SCAI: variants seen among roughly 807,000 people sequenced by gnomAD.
SCAI encodes the protein suppressor of cancer cell invasion, also known as protein SCAI.
In SCAI, 24 loss-of-function variants were observed where a neutral mutation model predicts 92.2. That is an observed-to-expected ratio of 0.26 (90% CI 0.19 to 0.37). SCAI has a LOEUF of 0.37. SCAI is among the 10% of genes least tolerant of loss of function. The probability of loss-of-function intolerance (pLI) is 1.00; values close to 1 mark genes in which losing one functional copy is unlikely to be tolerated. For synonymous variants in SCAI, 261 were observed against 258.6 expected (o/e 1.01, Z -0.09); for missense variants, 450 against 736.2 (o/e 0.61, Z 4.50).
At chr9:124,964,493 C>A (rs377364281) in intron 17 of SCAI, among the ~76,000 whole-genome samples, 1 of 152,272 alleles carries the variant, frequency 6.6e-6, no homozygotes, top group Admixed American at 6.5e-5. Context: ...ATAATGATGG[C>A]ATTTCCAATG....
chr9:124,954,910 A>G (rs1831290262), intron 17 of SCAI, among the ~76,000 whole-genome samples: 1 of 151,766 alleles, frequency 6.6e-6, no homozygotes, highest in Admixed American at 6.6e-5. Context: ...TCACCCTTGT[A>G]ATCCCAGCAC....
At chr9:125,126,370 G>A (rs1254319581) in intron 2 of SCAI, among the ~76,000 whole-genome samples, 1 of 151,664 alleles carries the variant, frequency 6.6e-6, no homozygotes, top group Non-Finnish European at 1.5e-5. Flanking sequence ...CATGGAGTTA[G>A]CCTCCCCCAA....
rs147806679 is a variant in SCAI at position 124,987,965 on chromosome 9, AAAACAAAC to A, written c.1326+6961_1326+6968del. ...GTAACAGAGCGAGACTTCTTCTCAA[AAAACAAAC>A]AAACAAACAAACAAACACTCTTTTA... On this transcript the variant is annotated intron_variant, in intron 14 of 17. Coordinates refer to ENST00000336505, the MANE Select transcript of SCAI (RefSeq NM_001144877.3). Among the ~76,000 whole-genome samples the A allele has an allele frequency of 2.0e-3, 311 of 151,948 alleles. 1 individual carries two copies. Among genetic ancestry groups the A allele is most frequent in the African/African-American group, 5.4e-3 (222 of 41,394 alleles).
In SCAI at chr9:125,044,923, G is replaced by A. The variant is rs7871950; in HGVS notation, c.230+10953C>T. 9.2e-3 allele frequency among the ~76,000 whole-genome samples: 1,408 copies of A among 152,298 alleles called. 18 individuals carry two copies. The highest frequency in any genetic ancestry group is 0.032 in the African/African-American group (1,311 of 41,554). On this transcript the variant is annotated intron_variant, in intron 3 of 17. Coordinates refer to ENST00000336505, the MANE Select transcript of SCAI (RefSeq NM_001144877.3). ...TAATCCAGCTGCAACCTTGCATGGC[G>A]CCAGTGCCTGGAGATGCCTGCCCCA...
At chr9:125,107,744 G>C (rs775280552) in intron 2 of SCAI, among the ~76,000 whole-genome samples, 3 of 152,144 alleles carry the variant, frequency 2.0e-5, no homozygotes, top group African/African-American at 7.2e-5. Context: ...CTCCAGCCTC[G>C]GCAACAGAGC....
chr9:124,973,372 T>G (rs571551690), intron 15 of SCAI, among the ~76,000 whole-genome samples: 1 of 152,230 alleles, frequency 6.6e-6, no homozygotes, highest in Non-Finnish European at 1.5e-5. Flanking sequence ...AATCTCAAAC[T>G]CTACCCTTTA....
Position 125,008,143 on chromosome 9 carries a change from C to T in SCAI, c.862-4573G>A, listed in dbSNP as rs552628650. Among the ~76,000 whole-genome samples the T allele has an allele frequency of 2.0e-5, 3 of 149,864 alleles. No individual in the cohort carries two copies. The East Asian group carries it at 6.1e-4, about 30-fold the overall frequency. ...TACAGGCGTGAGCCACCGTGCCCGG[C>T]CCTTTATTTTTTTCTTTTTGAGACA... On this transcript the variant is annotated intron_variant, in intron 9 of 17. Transcript: ENST00000336505.
chr9:125,128,581 G>T (rs558782925), intron 2 of SCAI, among the ~76,000 whole-genome samples: 1 of 151,084 alleles, frequency 6.6e-6, no homozygotes, highest in East Asian at 2.0e-4. Flanking sequence ...GTGAAATGCC[G>T]TCTCTACTAA....
chr9:124,968,849 C>T, intron 17 of SCAI: 1 of 616,762 alleles, frequency 1.6e-6, no homozygotes, highest in Admixed American at 2.8e-5. Flanking sequence ...GCCGCAGGGC[C>T]CAGGTGAGCA....
chr9:125,016,690 A>G (rs1832767004), intron 9 of SCAI, among the ~76,000 whole-genome samples: 1 of 152,154 alleles, frequency 6.6e-6, no homozygotes, highest in East Asian at 1.9e-4. Context: ...TGGTCTTTTT[A>G]GTAAATGGTG....
At chr9:125,118,375 A>G (rs1168651765) in intron 2 of SCAI, among the ~76,000 whole-genome samples, 2 of 152,066 alleles carry the variant, frequency 1.3e-5, no homozygotes, top group Non-Finnish European at 2.9e-5. Context: ...AAAATTAACC[A>G]GGCATGGTGG....
At chr9:125,033,051 A>G (rs1333030397) in intron 3 of SCAI, among the ~76,000 whole-genome samples, 1 of 152,068 alleles carries the variant, frequency 6.6e-6, no homozygotes, top group Admixed American at 6.6e-5. Flanking sequence ...AAAAACTGCA[A>G]ATAAGTACTA....
chr9:125,066,456 A>ATTTTTTTTTTTTT (rs1183338955), intron 2 of SCAI, among the ~76,000 whole-genome samples: 1 of 121,468 alleles, frequency 8.2e-6, no homozygotes, highest in African/African-American at 3.0e-5. Context: ...TATTTTATTT[A>ATTTTTTTTTTTTT]TTTATTTATT....
At chr9:125,066,924 C>G (rs1182926067) in intron 2 of SCAI, among the ~76,000 whole-genome samples, 2 of 152,090 alleles carry the variant, frequency 1.3e-5, no homozygotes, top group African/African-American at 4.8e-5. Flanking sequence ...GATTGCAGCC[C>G]AGGAGCAACA....
At chr9:125,085,141 A>G (rs1834300779) in intron 2 of SCAI, among the ~76,000 whole-genome samples, 1 of 152,236 alleles carries the variant, frequency 6.6e-6, no homozygotes, top group African/African-American at 2.4e-5. Context: ...TGTGTTTTTT[A>G]TTAAGGAAAA....
At chr9:124,985,864 A>G (rs1831979799) in intron 14 of SCAI, among the ~76,000 whole-genome samples, 1 of 149,504 alleles carries the variant, frequency 6.7e-6, no homozygotes, top group Non-Finnish European at 1.5e-5. Flanking sequence ...ACTCTGTCTC[A>G]ATAAAAAAAA....
At chr9:124,990,227 G>A (rs1048748016) in intron 14 of SCAI, among the ~76,000 whole-genome samples, 1 of 151,950 alleles carries the variant, frequency 6.6e-6, no homozygotes, top group African/African-American at 2.4e-5. Context: ...GGTGGTTCAC[G>A]CCTGTAATTC....
At chr9:125,079,715 C>T (rs532602845) in intron 2 of SCAI, among the ~76,000 whole-genome samples, 1 of 151,978 alleles carries the variant, frequency 6.6e-6, no homozygotes, top group South Asian at 2.1e-4. Flanking sequence ...TTAAGAAATC[C>T]CTGTTAGCAT....
intron 2 of SCAI, among the ~76,000 whole-genome samples, chr9:125,114,006 G>A (rs1834986441): frequency 6.6e-6 from 1 of 152,140 alleles, no homozygotes; most frequent in Non-Finnish European, 1.5e-5. Context: ...TTCACTCTCT[G>A]GAGGTAACTA....
Sources: gnomAD v4.1 joint callset for allele counts (sites outside exome capture counted in the v4.1 genomes callset) on GRCh38, gnomAD v4.1.1 for gene constraint, MANE v1.5 for transcripts, NCBI Gene and HGNC (gene_info 2026-07-23, HGNC 2026-07-21) for gene names.